Variants in GLIS3 observed in about 807,000 individuals in gnomAD.
GLIS3 encodes GLIS family zinc finger 3.
A neutral mutation model predicts 78.6 loss-of-function variants in GLIS3; 53 were observed. The ratio of observed to expected loss-of-function variants is 0.67; its 90% CI spans 0.54 to 0.85. GLIS3 has a LOEUF of 0.85. GLIS3 is among the 40% of genes least tolerant of loss of function. The probability of loss-of-function intolerance (pLI) is 0.00; values close to 1 mark genes in which losing one functional copy is unlikely to be tolerated. For synonymous variants in GLIS3, 684 were observed against 509.9 expected (o/e 1.34, Z -4.60); for missense variants, 1,703 against 1,231.1 (o/e 1.38, Z -5.74).
chr9:4,355,570 G>C, the GLIS3 span, among the ~76,000 whole-genome samples: 2 of 152,166 alleles, frequency 1.3e-5, no homozygotes, highest in East Asian at 1.9e-4. Context: ...CCCAGGAACT[G>C]TAAGAAGGAT....
intron 3 of GLIS3, chr9:4,123,698 G>C (rs887516987): frequency 1.3e-5 from 5 of 395,806 alleles, no homozygotes; most frequent in African/African-American, 1.0e-4. Context: ...GATCAATTTA[G>C]TGGAAAGGAA....
At chr9:4,340,108 TC>T (rs1197783667) in intron 2 of GLIS3, among the ~76,000 whole-genome samples, 3 of 151,666 alleles carry the variant, frequency 2.0e-5, no homozygotes, top group Non-Finnish European at 4.4e-5. Context: ...AGGTTGATAT[TC>T]CCCTAGAATC....
chr9:4,102,271 T>C (rs1830426082), intron 4 of GLIS3, among the ~76,000 whole-genome samples: 2 of 152,166 alleles, frequency 1.3e-5, no homozygotes, highest in African/African-American at 4.8e-5. Context: ...CCCCATCAAG[T>C]AGTCATCAGA....
chr9:4,337,363 G>A (rs999872919), intron 2 of GLIS3, among the ~76,000 whole-genome samples: 1 of 152,192 alleles, frequency 6.6e-6, no homozygotes, highest in African/African-American at 2.4e-5. Flanking sequence ...TGATTAGATA[G>A]TATGCAGCTA....
chr9:3,944,085 T>C (rs1310173565), intron 4 of GLIS3, among the ~76,000 whole-genome samples: 1 of 152,200 alleles, frequency 6.6e-6, no homozygotes, highest in Non-Finnish European at 1.5e-5. Context: ...TTTAAAGGAA[T>C]ATGTTGCTTT....
At chr9:4,180,972 T>C (rs1416598785) in intron 2 of GLIS3, among the ~76,000 whole-genome samples, 1 of 151,944 alleles carries the variant, frequency 6.6e-6, no homozygotes, top group South Asian at 2.1e-4. Flanking sequence ...ATTTTGGAGG[T>C]GGGGAACAAG....
chr9:3,899,772 C>T (rs1823146014), intron 6 of GLIS3, among the ~76,000 whole-genome samples: 1 of 152,160 alleles, frequency 6.6e-6, no homozygotes, highest in Non-Finnish European at 1.5e-5. Context: ...ACATACTTCT[C>T]TAGACCCTAG....
At chr9:3,834,495 A>C (rs1818231793) in intron 9 of GLIS3, among the ~76,000 whole-genome samples, 1 of 152,184 alleles carries the variant, frequency 6.6e-6, no homozygotes, top group African/African-American at 2.4e-5. Context: ...AATTAATTCA[A>C]ATTTAAATAG....
At chr9:3,849,603 T>C (rs1321184857) in intron 9 of GLIS3, among the ~76,000 whole-genome samples, 1 of 152,172 alleles carries the variant, frequency 6.6e-6, no homozygotes, top group African/African-American at 2.4e-5. Context: ...CTGTTTCCTG[T>C]TAGACGTCTT....
the GLIS3 span, among the ~76,000 whole-genome samples, chr9:4,443,108 T>G: frequency 6.6e-6 from 1 of 152,238 alleles, no homozygotes; most frequent in Non-Finnish European, 1.5e-5. Flanking sequence ...TATGAAACAT[T>G]GAGTCCCATT....
chr9:4,004,720 C>G (rs1821402807), intron 4 of GLIS3, among the ~76,000 whole-genome samples: 1 of 152,158 alleles, frequency 6.6e-6, no homozygotes, highest in Non-Finnish European at 1.5e-5. Context: ...AACACTGAAA[C>G]AGATGGAGAC....
At chr9:4,344,371 C>T (rs1275255528) in intron 2 of GLIS3, among the ~76,000 whole-genome samples, 1 of 152,220 alleles carries the variant, frequency 6.6e-6, no homozygotes, top group Non-Finnish European at 1.5e-5. Context: ...TTTGGCAATT[C>T]ATCAGCAGCA....
chr9:3,929,527 C>A lies in GLIS3; in HGVS notation c.1983+2833G>T, dbSNP rs576930350. 5.1e-4 allele frequency among the ~76,000 whole-genome samples: 77 copies of A among 152,244 alleles called. 2 individuals are homozygous for A. In the South Asian group the frequency reaches 0.015, roughly 30 times the overall value. ...ATCTATGGCTATGGGTGCCTTGTCA[C>A]TGGCCCCGATTCCACAGTAGGACTC... On this transcript the variant is annotated intron_variant, in intron 6 of 10. Transcript: ENST00000381971.
intron 8 of GLIS3, among the ~76,000 whole-genome samples, chr9:3,863,346 T>C (rs1422408862): frequency 1.3e-5 from 2 of 152,216 alleles, no homozygotes; most frequent in Admixed American, 1.3e-4. Flanking sequence ...GCAAATTGAA[T>C]TCGGCTTCTG....
At chr9:4,383,190 T>C in the GLIS3 span, among the ~76,000 whole-genome samples, 1 of 152,234 alleles carries the variant, frequency 6.6e-6, no homozygotes, top group South Asian at 2.1e-4. Flanking sequence ...TAAGATTTCA[T>C]TGCACTTGCT....
At chr9:4,033,710 G>T (rs1824054338) in intron 4 of GLIS3, among the ~76,000 whole-genome samples, 1 of 151,784 alleles carries the variant, frequency 6.6e-6, no homozygotes, top group Admixed American at 6.6e-5. Flanking sequence ...ACTAAAACAG[G>T]GACCTATTTT....
At chr9:4,303,324 G>C (rs924679698), upstream of GLIS3, among the ~76,000 whole-genome samples, 1 of 151,968 alleles carries the variant, frequency 6.6e-6, no homozygotes, top group African/African-American at 2.4e-5. Context: ...TAGAAATGCA[G>C]TGGAAAAAGT....
intron 2 of GLIS3, among the ~76,000 whole-genome samples, chr9:4,202,582 C>T (rs367616758): frequency 1.7e-4 from 26 of 152,170 alleles, no homozygotes; most frequent in African/African-American, 5.3e-4. Context: ...TATAAGGCTA[C>T]GGTAAACAAA....
intron 4 of GLIS3, among the ~76,000 whole-genome samples, chr9:4,023,160 T>C (rs1296447798): frequency 6.6e-6 from 1 of 152,220 alleles, no homozygotes; most frequent in Non-Finnish European, 1.5e-5. Context: ...TTTAAAAATA[T>C]ACTTAAAAAT....
Sources: allele counts gnomAD v4.1 joint callset (sites outside exome capture counted in the v4.1 genomes callset), GRCh38; gene constraint gnomAD v4.1.1; transcripts MANE v1.5; gene names NCBI Gene and HGNC (gene_info 2026-07-23, HGNC 2026-07-21).